Variants in C15orf40 observed in about 807,000 individuals in gnomAD.
C15orf40 encodes UPF0235 protein C15orf40.
A neutral mutation model predicts 13.9 loss-of-function variants in C15orf40; 9 were observed. That is an observed-to-expected ratio of 0.65 (90% CI 0.39 to 1.13). C15orf40 has a LOEUF of 1.13. C15orf40 is among the 50% of genes most tolerant of loss of function. The pLI, the probability that C15orf40 is intolerant of heterozygous loss-of-function variation, is 0.01. For missense variants in C15orf40, 225 were observed against 188.5 expected, an observed-to-expected ratio of 1.19 and a Z score of -1.13; for synonymous variants, 95 against 69.2, an observed-to-expected ratio of 1.37 and a Z score of -1.85.
chr15:83,010,263 G>A lies in C15orf40; in HGVS notation c.212C>T (p.Pro71Leu). ...GCVTIAIHAK[P>L]GSKQNAVTDL... ...TGTTACAGCATTTTGTTTGGAGCCAGGTTTTGCATGGATGGCTATGGTGAC... is the reference window on the plus strand; with the variant it reads ...TGTTACAGCATTTTGTTTGGAGCCAAGTTTTGCATGGATGGCTATGGTGAC... Residue 71 changes from proline (P) to leucine (L), a missense_variant, in exon 2 of 4, where the codon CCT becomes CTT. Pro to Leu is a moderately conservative substitution (Grantham distance 98, BLOSUM62 -3). Transcript: ENST00000304177. 6.2e-7 allele frequency: 1 copy of A among 1,614,202 alleles called. No homozygotes were observed. Among genetic ancestry groups the A allele is most frequent in the Non-Finnish European group, 8.5e-7 (1 of 1,180,036 alleles).
At chr15:82,989,224 C>A (rs1482165115), downstream of C15orf40, 9 of 1,603,364 alleles carry the variant, frequency 5.6e-6, no homozygotes, top group Admixed American at 5.2e-5. Flanking sequence ...GATAGTTGAT[C>A]TGGCAGAGGA....
At position 82,998,107 on chromosome 15, in the gene C15orf40, G is replaced by A. The variant is rs1451217102; in HGVS notation, c.*7490C>T. On this transcript the variant is annotated 3_prime_UTR_variant, in exon 4 of 4. Transcript: ENST00000304177. Reference sequence around the variant, plus strand: ...GGGCTGAGGGGCTCCTCACTTCCCAGTAGGGGCGGCCGGGCAGAGGCGCCC... The same window carrying A: ...GGGCTGAGGGGCTCCTCACTTCCCAATAGGGGCGGCCGGGCAGAGGCGCCC... 2 of 127,442 alleles carry A rather than the reference G, an allele frequency of 1.6e-5. No homozygotes were observed. Among genetic ancestry groups the A allele is most frequent in the East Asian group, 4.8e-4 (2 of 4,150 alleles). The allele number at this position is 127,442 out of a possible 1,614,324, so 7.9% of individuals were successfully genotyped here.
At chr15:82,991,988 G>A (rs1473029580), downstream of C15orf40, 1 of 1,129,058 alleles carries the variant, frequency 8.9e-7, no homozygotes, top group Middle Eastern at 2.3e-4. Context: ...GGCCGAGGCG[G>A]GAAGATCACT....
chr15:82,989,279 A>C, downstream of C15orf40: 7 of 1,376,024 alleles, frequency 5.1e-6, no homozygotes, highest in Non-Finnish European at 6.9e-6. Context: ...GGCAGGGACC[A>C]GTGTTTTTGG....
chr15:82,992,680 C>T (rs2030912337), downstream of C15orf40, among the ~76,000 whole-genome samples: 1 of 152,150 alleles, frequency 6.6e-6, no homozygotes, highest in Non-Finnish European at 1.5e-5. Context: ...TGGAGGAGTA[C>T]TTCTCAGGAA....
Position 83,003,672 on chromosome 15 carries a change from T to A in C15orf40, c.*1925A>T, listed in dbSNP as rs1022017277. ...GCACTGTGATCTCACATAAGCCACC[T>A]TTTCTTGCCCTTGATACCTATTTGG... On this transcript the variant is annotated 3_prime_UTR_variant, in exon 4 of 4. Transcript: ENST00000304177. 4 of 152,246 alleles carry A rather than the reference T, an allele frequency of 2.6e-5. No individual in the cohort carries two copies. The highest frequency in any genetic ancestry group is 9.6e-5 in the African/African-American group (4 of 41,466). The allele number at this position is 152,246 out of a possible 1,614,324, so 9.4% of individuals were successfully genotyped here. A position where few individuals can be genotyped will look rare whatever the true frequency, so the allele number is the denominator to read the frequency against.
In C15orf40 at chr15:83,011,611, C is replaced by G. The variant is rs761845161; in HGVS notation, c.-4G>C. ...GCCCGCTGCGGAGCCGCAGCATCCCCGCCTGGGAAGGCGCCGGAAGAGCCC... is the reference window on the plus strand; with the variant it reads ...GCCCGCTGCGGAGCCGCAGCATCCCGGCCTGGGAAGGCGCCGGAAGAGCCC... On this transcript the variant is annotated 5_prime_UTR_variant, in exon 1 of 4. Transcript: ENST00000304177. 4.5e-6 allele frequency: 7 copies of G among 1,572,836 alleles called. No individual in the cohort carries two copies. In the East Asian group the frequency reaches 7.0e-5, roughly 16 times the overall value.
rs2031579708 is a variant in C15orf40, at chr15:83,004,700, A to T, written c.*897T>A. ...TGATTTTTCTTTACTTTTTCAACAA[A>T]ATGGTAAATATAGTCTTTAAAAGAT... On this transcript the variant is annotated 3_prime_UTR_variant, in exon 4 of 4. Transcript: ENST00000304177. The T allele has an allele frequency of 7.6e-6, 7 of 924,486 alleles. No homozygotes were observed. Among genetic ancestry groups the T allele is most frequent in the African/African-American group, 1.8e-5 (1 of 54,998 alleles). The allele number at this position is 924,486 out of a possible 1,614,324, so 57.3% of individuals were successfully genotyped here.
In C15orf40 at chr15:82,996,551, G is replaced by A. The variant is rs372412841; in HGVS notation, c.*9046C>T. On this transcript the variant is annotated 3_prime_UTR_variant, in exon 4 of 4. Coordinates refer to ENST00000304177, the MANE Select transcript of C15orf40 (RefSeq NM_144597.3). ...CCAGCTACTCAGGAGGCTGAGGCAG[G>A]AGAATGGCGTGAACCCAGGACGCAG... is the stretch of plus-strand genomic sequence containing the variant. 84 of 152,308 alleles carry A rather than the reference G, an allele frequency of 5.5e-4. No homozygotes were observed. Among genetic ancestry groups the A allele is most frequent in the African/African-American group, 2.0e-3 (82 of 41,556 alleles). The allele number at this position is 152,308 out of a possible 1,614,324, so 9.4% of individuals were successfully genotyped here.
chr15:82,994,064 A>G (rs2030960269), downstream of C15orf40, among the ~76,000 whole-genome samples: 1 of 152,172 alleles, frequency 6.6e-6, no homozygotes, highest in Admixed American at 6.5e-5. Context: ...CCACATAGGA[A>G]AAAGACATCT....
Position 83,005,501 on chromosome 15 carries a change from C to T in C15orf40, c.*96G>A. ...GTTTCACCATGTTGGTCAGGCTGGT[C>T]TCGAACTCCTGACCTCAGGTGATCC... is the stretch of plus-strand genomic sequence containing the variant. On this transcript the variant is annotated 3_prime_UTR_variant, in exon 4 of 4. Coordinates refer to ENST00000304177, the MANE Select transcript of C15orf40 (RefSeq NM_144597.3). 1 of 1,117,860 alleles carries T rather than the reference C, an allele frequency of 8.9e-7. No homozygotes were observed. The highest frequency in any genetic ancestry group is 1.2e-6 in the Non-Finnish European group (1 of 817,564). The allele number at this position is 1,117,860 out of a possible 1,614,324, so 69.2% of individuals were successfully genotyped here. A position where few individuals can be genotyped will look rare whatever the true frequency, so the allele number is the denominator to read the frequency against.
rs935329503 is a variant in C15orf40 at position 83,002,034 on chromosome 15, A to G, written c.*3563T>C. The G allele has an allele frequency of 1.3e-5, 2 of 152,272 alleles. No homozygotes were observed. Among genetic ancestry groups the G allele is most frequent in the African/African-American group, 2.4e-5 (1 of 41,426 alleles). The allele number at this position is 152,272 out of a possible 1,614,324, so 9.4% of individuals were successfully genotyped here. The stretch of plus-strand genomic sequence containing the variant: ...GCAATTCTCCTGCTTCAGCCTCCCA[A>G]GTAGCTGAGATTACAGTCATGTACC... On this transcript the variant is annotated 3_prime_UTR_variant, in exon 4 of 4. Transcript: ENST00000304177.
rs2031561066 is a variant in C15orf40, at chr15:83,004,363, T to C, written c.*1234A>G. The C allele has an allele frequency of 2.0e-6, 2 of 985,428 alleles. No homozygotes were observed. The highest frequency in any genetic ancestry group is 2.4e-6 in the Non-Finnish European group (2 of 829,914). The allele number at this position is 985,428 out of a possible 1,614,324, so 61.0% of individuals were successfully genotyped here. ...CAATACATCTTTCTCATGTACTTGC[T>C]GGACAAAGCGCACAACTGCAGATCA... On this transcript the variant is annotated 3_prime_UTR_variant, in exon 4 of 4. Transcript: ENST00000304177.
intron 2 of C15orf40, among the ~76,000 whole-genome samples, chr15:83,009,298 C>T (rs1697205017): frequency 6.6e-6 from 1 of 152,110 alleles, no homozygotes; most frequent in Non-Finnish European, 1.5e-5. Context: ...GATATTAGTA[C>T]CATTATTATC....
intron 3 of C15orf40, 72 bp downstream of exon 3, chr15:83,008,476 G>A (rs1429605465): frequency 5.3e-6 from 8 of 1,505,926 alleles, no homozygotes; most frequent in South Asian, 1.1e-5. Context: ...CCAAGACTAC[G>A]CCACTGCACT....
Position 83,005,125 on chromosome 15 carries a change from G to A in C15orf40, c.*472C>T, listed in dbSNP as rs1438836180. ...GGGGTTTGGGATTTTAGAACCTGAT[G>A]CAATGTATAGCACTTTTTAAATTTC... On this transcript the variant is annotated 3_prime_UTR_variant, in exon 4 of 4. Transcript: ENST00000304177. 6.2e-6 allele frequency: 7 copies of A among 1,120,146 alleles called. No individual in the cohort carries two copies. The highest frequency in any genetic ancestry group is 1.6e-5 in the African/African-American group (1 of 61,214). 69.4% of individuals were successfully genotyped at this position (1,120,146 alleles called of 1,614,324 possible).
At position 82,998,256 on chromosome 15, in the gene C15orf40, CG is replaced by C. The variant is rs2031227927; in HGVS notation, c.*7340del. 7.0e-6 allele frequency: 1 copy of C among 142,970 alleles called. No individual in the cohort carries two copies. The highest frequency in any genetic ancestry group is 1.4e-5 in the Non-Finnish European group (1 of 70,822). 8.9% of individuals were successfully genotyped at this position (142,970 alleles called of 1,614,324 possible). ...CTCCCTCCCGGATGGGGTGGCTGGC[CG>C]GGCGGGGGACTGACCCCCCCCCACC... On this transcript the variant is annotated 3_prime_UTR_variant, in exon 4 of 4. Transcript: ENST00000304177.
In C15orf40 at chr15:82,997,763, T is replaced by G; in HGVS notation, c.*7834A>C. The G allele has an allele frequency of 7.2e-6, 1 of 139,314 alleles. No homozygotes were observed. The highest frequency in any genetic ancestry group is 1.3e-4 in the South Asian group (1 of 7,500). The allele number at this position is 139,314 out of a possible 1,614,324, so 8.6% of individuals were successfully genotyped here. A position where few individuals can be genotyped will look rare whatever the true frequency, so the allele number is the denominator to read the frequency against. On this transcript the variant is annotated 3_prime_UTR_variant, in exon 4 of 4. Coordinates refer to ENST00000304177, the MANE Select transcript of C15orf40 (RefSeq NM_144597.3). Reference sequence around the variant, plus strand: ...GTGGCCGGGCAGAGGGGCTCCTCACTTCCCAGTAGGGGCGGCCGGGCAGAG... The same window carrying G: ...GTGGCCGGGCAGAGGGGCTCCTCACGTCCCAGTAGGGGCGGCCGGGCAGAG...
At chr15:82,989,261 C>A, downstream of C15orf40, 1 of 1,512,504 alleles carries the variant, frequency 6.6e-7, no homozygotes, top group Non-Finnish European at 9.0e-7. Context: ...GACTGGAAGG[C>A]CAGTGAGGGC....
Sources: gnomAD v4.1 joint callset for allele counts (sites outside exome capture counted in the v4.1 genomes callset) on GRCh38, gnomAD v4.1.1 for gene constraint, MANE v1.5 for transcripts, NCBI Gene and HGNC (gene_info 2026-07-23, HGNC 2026-07-21) for gene names.